ZNF407: variants seen among roughly 807,000 people sequenced by gnomAD.
ZNF407 encodes the protein zinc finger protein 407.
A neutral mutation model predicts 131.2 loss-of-function variants in ZNF407; 17 were observed. The observed-to-expected ratio is 0.13, with a 90% CI of 0.09 to 0.19. The LOEUF (loss-of-function observed/expected upper bound fraction) is 0.19. Ranked by LOEUF, ZNF407 falls within the 10% of genes least tolerant of loss-of-function variation. ZNF407 has a pLI of 1.00. For missense variants in ZNF407, 2,681 were observed against 2,830.6 expected, an observed-to-expected ratio of 0.95 and a Z score of 1.20; for synonymous variants, 1,156 against 1,062.0, an observed-to-expected ratio of 1.09 and a Z score of -1.72.
intron 3 of ZNF407, among the ~76,000 whole-genome samples, chr18:74,741,660 A>G (rs931742134): frequency 1.3e-5 from 2 of 152,176 alleles, no homozygotes; most frequent in East Asian, 3.8e-4. Flanking sequence ...CAGTATATAT[A>G]TATTTTTCAT....
At chr18:74,679,962 A>T (rs545693126) in intron 3 of ZNF407, among the ~76,000 whole-genome samples, 2 of 152,316 alleles carry the variant, frequency 1.3e-5, no homozygotes, top group Admixed American at 1.3e-4. Context: ...TGGACCCGTT[A>T]TTATGAATGT....
At chr18:74,711,406 G>T (rs1245992497) in intron 3 of ZNF407, among the ~76,000 whole-genome samples, 1 of 152,178 alleles carries the variant, frequency 6.6e-6, no homozygotes, top group Non-Finnish European at 1.5e-5. Context: ...CATAAATGTG[G>T]AAGAGGCTCC....
intron 1 of ZNF407, among the ~76,000 whole-genome samples, chr18:74,605,326 A>G (rs1252951371): frequency 6.6e-6 from 1 of 152,200 alleles, no homozygotes; most frequent in Non-Finnish European, 1.5e-5. Flanking sequence ...GACTTCAGGT[A>G]AGTCTCTTCA....
intron 8 of ZNF407, among the ~76,000 whole-genome samples, chr18:74,947,775 T>C (rs1972169915): frequency 6.6e-6 from 1 of 152,218 alleles, no homozygotes; most frequent in Non-Finnish European, 1.5e-5. Context: ...TTTCCTTCAA[T>C]GAAAGTGAAG....
In ZNF407 at chr18:75,060,767, A is replaced by G. The variant is rs557779429; in HGVS notation, c.5429-2383A>G. 1.7e-4 allele frequency among the ~76,000 whole-genome samples: 25 copies of G among 151,296 alleles called. No homozygotes were observed. In the South Asian group the frequency reaches 4.2e-3, roughly 25 times the overall value. On this transcript the variant is annotated intron_variant, in intron 8 of 8. Transcript: ENST00000299687. ...TGATCCGTCCGCCTCGGCCTCCCAA[A>G]GTGCTGGGATGACAGGCGTCGGCCA...
chr18:74,645,579 T>G (rs141178672), intron 3 of ZNF407, among the ~76,000 whole-genome samples: 1 of 152,164 alleles, frequency 6.6e-6, no homozygotes, highest in African/African-American at 2.4e-5. Flanking sequence ...TATGAACTGT[T>G]TATTCCTAGT....
chr18:74,618,588 A>C, intron 1 of ZNF407, among the ~76,000 whole-genome samples: 2 of 152,298 alleles, frequency 1.3e-5, no homozygotes, highest in East Asian at 3.9e-4. Flanking sequence ...GCTTTTTTTA[A>C]AAAACAAAAA....
chr18:74,818,384 T>G (rs1298245656), intron 4 of ZNF407, among the ~76,000 whole-genome samples: 1 of 152,260 alleles, frequency 6.6e-6, no homozygotes, highest in Non-Finnish European at 1.5e-5. Context: ...GCTACATTTT[T>G]TTTGACTTTG....
chr18:75,053,226 G>T (rs564101239), intron 8 of ZNF407, among the ~76,000 whole-genome samples: 2 of 152,182 alleles, frequency 1.3e-5, no homozygotes, highest in Non-Finnish European at 2.9e-5. Flanking sequence ...CTTAGTGCCG[G>T]CCGCACCCAG....
At chr18:74,891,581 A>G (rs79794271) in intron 7 of ZNF407, among the ~76,000 whole-genome samples, 1 of 152,196 alleles carries the variant, frequency 6.6e-6, no homozygotes. Context: ...TTAACATTTT[A>G]TGAGTTCTGT....
intron 3 of ZNF407, among the ~76,000 whole-genome samples, chr18:74,674,734 C>T (rs1345675295): frequency 6.6e-6 from 1 of 152,150 alleles, no homozygotes; most frequent in Non-Finnish European, 1.5e-5. Flanking sequence ...TAGCTCTATT[C>T]CTCTAGTGAA....
At chr18:74,765,151 A>C (rs1234715881) in intron 3 of ZNF407, among the ~76,000 whole-genome samples, 4 of 152,168 alleles carry the variant, frequency 2.6e-5, no homozygotes, top group Non-Finnish European at 4.4e-5. Flanking sequence ...CCTAGAACCA[A>C]TTCCCCAGGA....
chr18:74,887,963 G>A (rs1285245372), intron 6 of ZNF407, among the ~76,000 whole-genome samples: 2 of 152,168 alleles, frequency 1.3e-5, no homozygotes, highest in Admixed American at 1.3e-4. Flanking sequence ...TTATGGGTAA[G>A]CAGTATAAAT....
At chr18:74,854,810 G>A (rs941156053) in intron 4 of ZNF407, among the ~76,000 whole-genome samples, 5 of 151,862 alleles carry the variant, frequency 3.3e-5, no homozygotes, top group East Asian at 3.9e-4. Context: ...CACCCGAACC[G>A]CTGCCTTTGA....
At position 74,878,888 on chromosome 18, in the gene ZNF407, CA is replaced by C. The variant is rs573213763; in HGVS notation, c.5044+1541del. Among the ~76,000 whole-genome samples, 697 of 94,136 alleles carry C rather than the reference CA, an allele frequency of 7.4e-3. 1 individual carries two copies. Among genetic ancestry groups the C allele is most frequent in the African/African-American group, 0.021 (543 of 25,652 alleles). 61.8% of individuals were successfully genotyped at this position (94,136 alleles called of 152,430 possible). A position where few individuals can be genotyped will look rare whatever the true frequency, so the allele number is the denominator to read the frequency against. On this transcript the variant is annotated intron_variant, in intron 5 of 8. Coordinates refer to ENST00000299687, the MANE Select transcript of ZNF407 (RefSeq NM_017757.3). ...TCAAACCTAACACCCCAACCCACTC[CA>C]AAAAAAAAAAAAAAAGGCAAGTGAA... is the stretch of plus-strand genomic sequence containing the variant.
chr18:75,049,098 T>TGGGGGG (rs61131714), intron 8 of ZNF407, among the ~76,000 whole-genome samples: 1 of 39,626 alleles, frequency 2.5e-5, no homozygotes, highest in Non-Finnish European at 4.7e-5. Context: ...TTTTTTTTTT[T>TGGGGGG]GGGTGGGGGG....
intron 8 of ZNF407, among the ~76,000 whole-genome samples, chr18:74,966,222 G>A (rs1010920193): frequency 3.3e-5 from 5 of 152,068 alleles, no homozygotes; most frequent in East Asian, 1.9e-4. Context: ...GGGGTATTTC[G>A]CAAGAAATTT....
chr18:74,737,131 T>A (rs1599111361), intron 3 of ZNF407, among the ~76,000 whole-genome samples: 1 of 152,230 alleles, frequency 6.6e-6, no homozygotes, highest in Admixed American at 6.5e-5. Flanking sequence ...ACAAGCTTTT[T>A]AAAATATCAT....
chr18:74,666,988 G>C (rs1985956219), intron 3 of ZNF407, among the ~76,000 whole-genome samples: 1 of 152,140 alleles, frequency 6.6e-6, no homozygotes, highest in Non-Finnish European at 1.5e-5. Flanking sequence ...CTTTTCCCCA[G>C]GGTTCTGCTT....
Sources: allele counts gnomAD v4.1 joint callset (sites outside exome capture counted in the v4.1 genomes callset), GRCh38; gene constraint gnomAD v4.1.1; transcripts MANE v1.5; gene names NCBI Gene and HGNC (gene_info 2026-07-23, HGNC 2026-07-21).